Variants in PACS2 observed in about 807,000 individuals in gnomAD.
PACS2 encodes phosphofurin acidic cluster sorting protein 2, also known as PACS1-like protein.
A neutral mutation model predicts 113.0 loss-of-function variants in PACS2; 36 were observed. That is an observed-to-expected ratio of 0.32 (90% confidence interval 0.24 to 0.42). The LOEUF (loss-of-function observed/expected upper bound fraction) is 0.42. Among genes scored for constraint, PACS2 ranks in the 10% least tolerant of loss-of-function variants. The pLI, the probability that PACS2 is intolerant of heterozygous loss-of-function variation, is 1.00. For missense variants in PACS2, 1,015 were observed against 1,239.5 expected (o/e 0.82, Z 2.72); for synonymous variants, 589 against 536.1 (o/e 1.10, Z -1.36).
At chr14:105,313,218 G>A (rs776482519), upstream of PACS2, among the ~76,000 whole-genome samples, 2 of 152,186 alleles carry the variant, frequency 1.3e-5, no homozygotes, top group African/African-American at 4.8e-5. Context: ...CTGCACGCTC[G>A]CCAGGTCCAG....
chr14:105,376,736 A>G lies in PACS2; in HGVS notation c.802-32A>G. 3 of 1,604,502 alleles carry G rather than the reference A, an allele frequency of 1.9e-6. No homozygotes were observed. The highest frequency in any genetic ancestry group is 2.6e-6 in the Non-Finnish European group (3 of 1,174,232). On this transcript the variant is annotated intron_variant, in intron 8 of 24. Transcript: ENST00000447393. This position sits in a 1 kb window ranked among gnomAD's most constrained non-coding sequence, Gnocchi z 4.7. ...CCAGTGGGGCAATGTGGGCTGCTGC[A>G]GGGAACTCACGCGTGCCTGGCACCC...
intron 20 of PACS2, 85 bp downstream of exon 20, chr14:105,390,088 G>C (rs1566970138): frequency 1.9e-5 from 23 of 1,192,374 alleles, no homozygotes; most frequent in Non-Finnish European, 2.6e-5. Flanking sequence ...GGATTGACTC[G>C]ATATATTCCA....
At chr14:105,349,246 G>T (rs1178492692) in intron 2 of PACS2, among the ~76,000 whole-genome samples, 1 of 152,248 alleles carries the variant, frequency 6.6e-6, no homozygotes, top group East Asian at 1.9e-4. Context: ...TACGGTTCCA[G>T]GTGTGTGGCC....
chr14:105,351,117 C>G (rs2060159206), intron 2 of PACS2, among the ~76,000 whole-genome samples: 1 of 152,222 alleles, frequency 6.6e-6, no homozygotes, highest in Non-Finnish European at 1.5e-5. Flanking sequence ...CCTGGCACCT[C>G]TCATCCACTG....
At chr14:105,305,330 A>T (rs1309889514) in intron 1 of PACS2, among the ~76,000 whole-genome samples, 2 of 151,898 alleles carry the variant, frequency 1.3e-5, no homozygotes, top group Non-Finnish European at 2.9e-5. Context: ...TGAGCCCAGA[A>T]AGTTGAGGCT....
rs997085715 is a variant in PACS2 at position 105,384,815 on chromosome 14, C to G, written c.1892-64C>G. On this transcript the variant is annotated intron_variant, in intron 17 of 24. Transcript: ENST00000447393. ...TGGGCGGGGCACCGGGGAGGCCCAGCTTAGCCCCGCCTGCAACCCCACCTG... is the reference window on the plus strand; with the variant it reads ...TGGGCGGGGCACCGGGGAGGCCCAGGTTAGCCCCGCCTGCAACCCCACCTG... 3 of 1,111,232 alleles carry G rather than the reference C, an allele frequency of 2.7e-6. No individual in the cohort carries two copies. In the East Asian group the frequency reaches 7.8e-5, roughly 29 times the overall value. 68.8% of individuals were successfully genotyped at this position (1,111,232 alleles called of 1,614,324 possible).
intron 1 of PACS2, among the ~76,000 whole-genome samples, chr14:105,327,243 G>A (rs978377258): frequency 3.9e-5 from 6 of 152,226 alleles, no homozygotes; most frequent in African/African-American, 1.4e-4. Context: ...GGGGGAAGGA[G>A]GGCAGGCCTT....
chr14:105,381,937 G>A lies in PACS2; in HGVS notation c.1292G>A (p.Arg431Gln), dbSNP rs2081009644. 5 of 1,550,694 alleles carry A rather than the reference G, an allele frequency of 3.2e-6. No individual in the cohort carries two copies. Among genetic ancestry groups the A allele is most frequent in the Non-Finnish European group, 4.4e-6 (5 of 1,147,030 alleles). ...STRSEGKQAGRRGRSTSLKER... is the reference protein window; with the variant it reads ...STRSEGKQAGQRGRSTSLKER... ...AGGTCCGAGGGGAAGCAGGCTGGCC[G>A]ACGGGGCCGGAGCACATCCTTGAAG... The change falls in exon 13 of 25, where the codon CGA becomes CAA. Residue 431 changes from arginine (R) to glutamine (Q), a missense_variant. Physicochemically the swap from Arg to Gln is conservative, Grantham distance 43. Coordinates refer to ENST00000447393, the MANE Select transcript of PACS2 (RefSeq NM_001100913.3).
chr14:105,392,976 G>A (rs1415876429), intron 23 of PACS2, 131 bp downstream of exon 23: 6 of 733,858 alleles, frequency 8.2e-6, no homozygotes, highest in Admixed American at 4.7e-5. Context: ...GCAGGGGCGG[G>A]TGGGGTGAGG....
intron 1 of PACS2, among the ~76,000 whole-genome samples, chr14:105,325,274 G>A (rs758461960): frequency 1.5e-4 from 23 of 152,166 alleles, no homozygotes; most frequent in Non-Finnish European, 3.1e-4. Flanking sequence ...CTCTTCAGGG[G>A]TTCAGCAAGG....
rs1555411455 is a variant in PACS2 at position 105,379,818 on chromosome 14, C to T, written c.1039C>T (p.Pro347Ser). The T allele has an allele frequency of 6.2e-7, 1 of 1,613,280 alleles. No homozygotes were observed. Among genetic ancestry groups the T allele is most frequent in the African/African-American group, 1.3e-5 (1 of 75,062 alleles). The change falls in exon 10 of 25, where the codon CCC becomes TCC. Residue 347 changes from proline to serine, a missense_variant. Pro to Ser is a moderately conservative substitution (Grantham distance 74). Coordinates refer to ENST00000447393, the MANE Select transcript of PACS2 (RefSeq NM_001100913.3). ...CCACAGCGCCCGCAGCCACAAGGAGCCCCCAAGCCCGGTGAGTGGGGCCAC... is the reference window on the plus strand; with the variant it reads ...CCACAGCGCCCGCAGCCACAAGGAGTCCCCAAGCCCGGTGAGTGGGGCCAC... ...SIHSARSHKE[P>S]PSPADVPEKT...
chr14:105,333,455 G>A (rs1161306243), intron 1 of PACS2, among the ~76,000 whole-genome samples: 2 of 152,206 alleles, frequency 1.3e-5, no homozygotes, highest in Non-Finnish European at 2.9e-5. Flanking sequence ...GTCCCTGGCC[G>A]TCCTGTCCTG....
intron 1 of PACS2, among the ~76,000 whole-genome samples, chr14:105,307,921 G>T (rs1248983416): frequency 6.6e-6 from 1 of 152,080 alleles, no homozygotes; most frequent in African/African-American, 2.4e-5. Context: ...AGTGGCTCAC[G>T]CCTGTCATCC....
intron 24 of PACS2, chr14:105,393,540 T>G (rs782321652): frequency 4.1e-6 from 2 of 490,102 alleles, no homozygotes; most frequent in African/African-American, 2.0e-5. Flanking sequence ...CAACCCTTTT[T>G]GCTTTTTAAA....
exon 1 of PACS2, chr14:105,300,824 G>C (rs1004796080): frequency 4.9e-6 from 1 of 206,036 alleles, no homozygotes; most frequent in African/African-American, 2.4e-5. Flanking sequence ...GGCCGCGCCC[G>C]CGGGATGGGA....
chr14:105,385,978 T>A (rs2081163995), intron 19 of PACS2, among the ~76,000 whole-genome samples: 1 of 152,240 alleles, frequency 6.6e-6, no homozygotes, highest in Admixed American at 6.5e-5. Context: ...TGGGCCCTCC[T>A]GTCCCTGGCC....
rs2060935064 is a variant in PACS2 at position 105,366,175 on chromosome 14, C to A, written c.424-1038C>A. On this transcript the variant is annotated intron_variant, in intron 4 of 24. Transcript: ENST00000447393. This position sits in a 1 kb window ranked among gnomAD's most constrained non-coding sequence, Gnocchi z 4.3. ...GACCATCCTGGCCAACATGGTGAAA[C>A]TGTTTCTACTAAAAATACAAAACTT... Among the ~76,000 whole-genome samples the A allele has an allele frequency of 8.3e-6, 1 of 120,546 alleles. No homozygotes were observed. Among genetic ancestry groups the A allele is most frequent in the African/African-American group, 8.3e-5 (1 of 12,044 alleles). The allele number at this position is 120,546 out of a possible 152,430, so 79.1% of individuals were successfully genotyped here.
intron 4 of PACS2, among the ~76,000 whole-genome samples, chr14:105,360,501 C>G (rs1433653184): frequency 6.6e-6 from 1 of 151,184 alleles, no homozygotes; most frequent in Non-Finnish European, 1.5e-5. Context: ...CGAGATCACG[C>G]CACTGCATTC....
rs1249455540 is a variant in PACS2 at position 105,366,849 on chromosome 14, G to A, written c.424-364G>A. Among the ~76,000 whole-genome samples, 3 of 152,162 alleles carry A rather than the reference G, an allele frequency of 2.0e-5. No individual in the cohort carries two copies. The highest frequency in any genetic ancestry group is 6.5e-5 in the Admixed American group (1 of 15,274). Reference sequence around the variant, plus strand: ...GGGTGGCACTGCATGGACAGCAGTCGTGCCTGAGATCAGGAGGGCCGCGGA... The same window carrying A: ...GGGTGGCACTGCATGGACAGCAGTCATGCCTGAGATCAGGAGGGCCGCGGA... On this transcript the variant is annotated intron_variant, in intron 4 of 24. Coordinates refer to ENST00000447393, the MANE Select transcript of PACS2 (RefSeq NM_001100913.3). The surrounding 1 kb of genome is among the most constrained non-coding windows in gnomAD (Gnocchi z 4.3).
Sources: gnomAD v4.1 joint callset for allele counts (sites outside exome capture counted in the v4.1 genomes callset) on GRCh38, gnomAD v4.1.1 for gene constraint, Gnocchi (gnomAD v3.1) non-coding constraint, MANE v1.5 for transcripts, NCBI Gene and HGNC (gene_info 2026-07-23, HGNC 2026-07-21) for gene names.